FBXL13: variants seen among roughly 807,000 people sequenced by gnomAD.
FBXL13 encodes F-box and leucine rich repeat protein 13, also known as F-box and leucine-rich repeat protein 13.
In FBXL13, 67 loss-of-function variants were observed where a neutral mutation model predicts 83.6. That is an observed-to-expected ratio of 0.80 (90% CI 0.66 to 0.98). The LOEUF (loss-of-function observed/expected upper bound fraction) is 0.98. Among genes scored for constraint, FBXL13 ranks in the 50% least tolerant of loss-of-function variants. The pLI, the probability that FBXL13 is intolerant of heterozygous loss-of-function variation, is 0.00. For missense variants in FBXL13, 822 were observed against 866.5 expected (o/e 0.95, Z 0.64); for synonymous variants, 272 against 299.5 (o/e 0.91, Z 0.95).
At chr7:103,038,809 C>T (rs1233228653) in intron 2 of FBXL13, among the ~76,000 whole-genome samples, 2 of 152,230 alleles carry the variant, frequency 1.3e-5, no homozygotes, top group Non-Finnish European at 2.9e-5. Flanking sequence ...AAAACCCCAT[C>T]TGTAGGTCAC....
At position 102,995,744 on chromosome 7, in the gene FBXL13, G is replaced by A. The variant is rs374414852; in HGVS notation, c.496-27627C>T. 2.2e-4 allele frequency among the ~76,000 whole-genome samples: 32 copies of A among 147,748 alleles called. No individual in the cohort carries two copies. The East Asian group carries it at 3.8e-3, about 18-fold the overall frequency. On this transcript the variant is annotated intron_variant, in intron 6 of 19. Transcript: ENST00000313221. ...GGAGGTTGCAGTGAGCTGAGATGGCGCCACTGCACTCCAGCCTGGTGACAG... is the reference window on the plus strand; with the variant it reads ...GGAGGTTGCAGTGAGCTGAGATGGCACCACTGCACTCCAGCCTGGTGACAG...
intron 2 of FBXL13, among the ~76,000 whole-genome samples, chr7:103,045,470 T>C (rs750334629): frequency 2.0e-5 from 3 of 152,240 alleles, no homozygotes; most frequent in African/African-American, 4.8e-5. Flanking sequence ...ACTATCACCA[T>C]TGTAAAAGTA....
At chr7:102,920,050 T>A (rs894868710) in intron 10 of FBXL13, among the ~76,000 whole-genome samples, 24 of 152,140 alleles carry the variant, frequency 1.6e-4, no homozygotes, top group African/African-American at 5.3e-4. Flanking sequence ...GGGGAGTAGG[T>A]GTGCAGGGGT....
At chr7:102,831,029 TC>T (rs1024094223) in intron 18 of FBXL13, among the ~76,000 whole-genome samples, 12 of 152,180 alleles carry the variant, frequency 7.9e-5, no homozygotes, top group African/African-American at 2.4e-4. Context: ...TGAAGGATGA[TC>T]TACGTGTGTT....
At chr7:102,978,998 A>G (rs1363699184) in intron 6 of FBXL13, among the ~76,000 whole-genome samples, 1 of 152,202 alleles carries the variant, frequency 6.6e-6, no homozygotes, top group Non-Finnish European at 1.5e-5. Context: ...TAGCCTCCAG[A>G]GGCATGGAAA....
rs756360685 is a variant in FBXL13 at position 102,877,457 on chromosome 7, A to G, written c.1635+10T>C. 3.9e-5 allele frequency: 62 copies of G among 1,570,124 alleles called. No individual in the cohort carries two copies. Among genetic ancestry groups the G allele is most frequent in the Non-Finnish European group, 5.2e-5 (61 of 1,163,638 alleles). ...AATAAAAGTCATTGTACTGTTTTGA[A>G]TTTTTTTACCTCATTAGAGATGTCT... On this transcript the variant is annotated intron_variant, in intron 16 of 19. Coordinates refer to ENST00000313221, the Ensembl canonical transcript of FBXL13.
intron 1 of FBXL13, among the ~76,000 whole-genome samples, chr7:103,068,052 G>A (rs1798560808): frequency 6.6e-6 from 1 of 152,192 alleles, no homozygotes; most frequent in African/African-American, 2.4e-5. Context: ...AGATGGTACA[G>A]CAATTTAGGA....
At chr7:102,968,947 T>C (rs1399587569) in intron 6 of FBXL13, among the ~76,000 whole-genome samples, 1 of 152,208 alleles carries the variant, frequency 6.6e-6, no homozygotes, top group Non-Finnish European at 1.5e-5. Flanking sequence ...AGCAGTCCCA[T>C]AAGATTATAA....
In FBXL13 at chr7:103,064,069, T is replaced by C. The variant is rs576661963; in HGVS notation, c.-104-8322A>G. On this transcript the variant is annotated intron_variant, in intron 1 of 19. Transcript: ENST00000313221. Reference sequence around the variant, plus strand: ...CCAACTGGCCTTTTGTGGAATCCACTTCATGCTAAAATTCTCTCTCCTTGT... The same window carrying C: ...CCAACTGGCCTTTTGTGGAATCCACCTCATGCTAAAATTCTCTCTCCTTGT... Among the ~76,000 whole-genome samples the C allele has an allele frequency of 4.6e-5, 7 of 152,314 alleles. No individual in the cohort carries two copies. The East Asian group carries it at 1.3e-3, about 29-fold the overall frequency.
intron 1 of FBXL13, among the ~76,000 whole-genome samples, chr7:103,069,787 A>G (rs1036930085): frequency 4.0e-4 from 61 of 152,232 alleles, no homozygotes; most frequent in African/African-American, 1.4e-3. Flanking sequence ...ATAAGAAATT[A>G]CTAGGTATGG....
intron 1 of FBXL13, among the ~76,000 whole-genome samples, chr7:103,061,937 C>CAAA (rs768909275): frequency 5.7e-5 from 2 of 34,802 alleles, no homozygotes; most frequent in Admixed American, 2.9e-4. Context: ...GACTGCGTCT[C>CAAA]AAAAAAAAAA....
chr7:102,975,034 T>G (rs1194028278), intron 6 of FBXL13, among the ~76,000 whole-genome samples: 2 of 152,254 alleles, frequency 1.3e-5, no homozygotes, highest in East Asian at 3.9e-4. Flanking sequence ...GCCTATCAAC[T>G]TAACCCTCCT....
chr7:103,003,198 A>AT (rs1226133165), intron 6 of FBXL13, among the ~76,000 whole-genome samples: 1 of 144,922 alleles, frequency 6.9e-6, no homozygotes, highest in African/African-American at 2.6e-5. Flanking sequence ...CCTCTAATGC[A>AT]TTTTTTAGCT....
At chr7:102,976,871 G>A (rs1286735111) in intron 6 of FBXL13, among the ~76,000 whole-genome samples, 1 of 152,152 alleles carries the variant, frequency 6.6e-6, no homozygotes, top group African/African-American at 2.4e-5. Context: ...TAACCAAGCT[G>A]TACTCCCAGT....
Position 103,017,855 on chromosome 7 carries a change from G to A in FBXL13, c.495+7208C>T, listed in dbSNP as rs144848146. Among the ~76,000 whole-genome samples, 37 of 152,316 alleles carry A rather than the reference G, an allele frequency of 2.4e-4. No homozygotes were observed. In the East Asian group the frequency reaches 6.2e-3, roughly 25 times the overall value. ...AAGACCAAACCTAGTTCTGATTGGT[G>A]TACCTGAAAGTGACAGGGAGAAGAA... On this transcript the variant is annotated intron_variant, in intron 6 of 19. Transcript: ENST00000313221.
intron 8 of FBXL13, among the ~76,000 whole-genome samples, chr7:102,953,203 G>T (rs1823695148): frequency 6.6e-6 from 1 of 151,968 alleles, no homozygotes; most frequent in Non-Finnish European, 1.5e-5. Context: ...TCACAAGAAG[G>T]AAAAACTACA....
At chr7:102,932,237 C>T (rs1422305483) in intron 8 of FBXL13, among the ~76,000 whole-genome samples, 1 of 152,088 alleles carries the variant, frequency 6.6e-6, no homozygotes, top group Non-Finnish European at 1.5e-5. Flanking sequence ...TGAAGAAAAC[C>T]AACCTGGTTT....
intron 2 of FBXL13, chr7:103,055,165 T>A: frequency 7.8e-7 from 1 of 1,287,254 alleles, no homozygotes; most frequent in Non-Finnish European, 1.0e-6. Flanking sequence ...ATTGATGGAG[T>A]AATGCACATA....
intron 16 of FBXL13, among the ~76,000 whole-genome samples, chr7:102,864,575 G>A (rs988511732): frequency 1.3e-5 from 2 of 152,018 alleles, no homozygotes; most frequent in Non-Finnish European, 2.9e-5. Flanking sequence ...CACCATGCTG[G>A]CTAGGCTGGT....
Sources: allele counts gnomAD v4.1 joint callset (sites outside exome capture counted in the v4.1 genomes callset), GRCh38; gene constraint gnomAD v4.1.1; transcripts MANE v1.5; gene names NCBI Gene and HGNC (gene_info 2026-07-23, HGNC 2026-07-21).